The following SSX7 variants were observed in gnomAD, a reference collection of about 807,000 sequenced individuals.
SSX7 encodes SSX family member 7.
Under a neutral mutation model 14.7 loss-of-function variants are expected in SSX7, and 15 were observed. The ratio of observed to expected loss-of-function variants is 1.02; its 90% CI spans 0.68 to 1.58. SSX7 has a LOEUF of 1.58. SSX7 is among the 40% of genes most tolerant of loss of function. The pLI, the probability that SSX7 is intolerant of heterozygous loss-of-function variation, is 0.00. For missense variants in SSX7, 178 were observed against 146.8 expected (o/e 1.21, Z -1.10); for synonymous variants, 46 against 50.6 (o/e 0.91, Z 0.38).
At chrX:52,644,998 G>A (rs1436372221) in intron 7 of SSX7, among the ~76,000 whole-genome samples, 1 of 111,063 alleles carries the variant, frequency 9.0e-6, no homozygotes, top group African/African-American at 3.3e-5. Flanking sequence ...GGCCAGGCGC[G>A]GTGGTTCACG....
chrX:52,647,411 A>G (rs1435464658), intron 6 of SSX7, among the ~76,000 whole-genome samples: 1 of 112,697 alleles, frequency 8.9e-6, no homozygotes, highest in Non-Finnish European at 1.9e-5. Flanking sequence ...TTTCATAGCT[A>G]GAGAGAATTG....
intron 4 of SSX7, among the ~76,000 whole-genome samples, chrX:52,651,147 C>G (rs192587293): frequency 1.8e-5 from 2 of 112,131 alleles, no homozygotes; most frequent in African/African-American, 6.5e-5. Flanking sequence ...AAAGCTCTCT[C>G]TGTGTGTTGG....
At chrX:52,650,523 A>G in intron 4 of SSX7, 121 bp from the exon 5 acceptor site, 1 of 831,808 alleles carries the variant, frequency 1.2e-6, no homozygotes, top group Non-Finnish European at 1.7e-6. Flanking sequence ...TTGAGGAGTT[A>G]TTTCAGTTTT....
At chrX:52,652,166 A>C (rs1925454327) in intron 4 of SSX7, 86 bp downstream of exon 4, 1 of 841,641 alleles carries the variant, frequency 1.2e-6, no homozygotes, top group Non-Finnish European at 1.8e-6. Flanking sequence ...TGAGGGAACA[A>C]ATGCCTGAGG....
chrX:52,648,841 T>C (rs1556766671), intron 5 of SSX7, among the ~76,000 whole-genome samples: 1 of 110,110 alleles, frequency 9.1e-6, no homozygotes, highest in African/African-American at 3.3e-5. Context: ...TGTGGGGAGA[T>C]TAATACAGGG....
intron 2 of SSX7, 158 bp from the exon 3 acceptor site, chrX:52,653,142 C>G: frequency 1.3e-6 from 1 of 754,137 alleles, no homozygotes; most frequent in African/African-American, 2.3e-5. Context: ...CCCTGCCACA[C>G]AGTAGGGCTT....
intron 1 of SSX7, among the ~76,000 whole-genome samples, chrX:52,654,139 C>T (rs184295414): frequency 1.0e-4 from 11 of 110,539 alleles, no homozygotes; most frequent in Non-Finnish European, 1.7e-4. Flanking sequence ...CAGTGGCTCA[C>T]GCCTGTAATC....
intron 1 of SSX7, among the ~76,000 whole-genome samples, chrX:52,654,181 C>T (rs1244983613): frequency 9.2e-6 from 1 of 109,116 alleles, no homozygotes; most frequent in Non-Finnish European, 1.9e-5. Flanking sequence ...GAGGGCGGAT[C>T]GCTTGAGCCC....
intron 1 of SSX7, 52 bp downstream of exon 1, chrX:52,654,710 A>G (rs1385250539): frequency 9.0e-6 from 1 of 111,194 alleles, no homozygotes; most frequent in Non-Finnish European, 1.9e-5. Context: ...AAATCAGCGC[A>G]TGCTTACTCT....
intron 7 of SSX7, among the ~76,000 whole-genome samples, chrX:52,645,111 T>C (rs1401310326): frequency 6.4e-5 from 7 of 109,894 alleles, no homozygotes; most frequent in Non-Finnish European, 9.5e-5. Flanking sequence ...CTACCAAAAA[T>C]ACAAAAAAAA....
intron 1 of SSX7, among the ~76,000 whole-genome samples, chrX:52,654,179 A>G (rs1556767452): frequency 9.2e-6 from 1 of 109,030 alleles, no homozygotes; most frequent in African/African-American, 3.3e-5. Flanking sequence ...AGGAGGGCGG[A>G]TCGCTTGAGC....
At chrX:52,650,105 T>C (rs1177023006) in intron 5 of SSX7, among the ~76,000 whole-genome samples, 1 of 111,383 alleles carries the variant, frequency 9.0e-6, no homozygotes, top group Admixed American at 9.6e-5. Context: ...CAGGTCTTCT[T>C]AAGGATTAAA....
intron 4 of SSX7, 102 bp downstream of exon 4, chrX:52,652,150 T>G: frequency 1.5e-6 from 1 of 687,082 alleles, no homozygotes; most frequent in Non-Finnish European, 2.3e-6. Flanking sequence ...TCAGCCCTGA[T>G]GTGTATGAGG....
At chrX:52,647,916 A>C (rs1191667211) in intron 6 of SSX7, among the ~76,000 whole-genome samples, 2 of 112,109 alleles carry the variant, frequency 1.8e-5, no homozygotes, top group African/African-American at 3.2e-5. Context: ...CAGGTTATCA[A>C]AGATAGAATC....
intron 7 of SSX7, among the ~76,000 whole-genome samples, chrX:52,645,079 C>T (rs1285393050): frequency 5.6e-4 from 62 of 110,894 alleles, no homozygotes; most frequent in Non-Finnish European, 1.0e-3. Context: ...ACCATCCTGG[C>T]TAACACGGTG....
intron 4 of SSX7, 136 bp downstream of exon 4, chrX:52,652,116 G>A (rs1188524747): frequency 4.1e-6 from 2 of 487,291 alleles, no homozygotes; most frequent in African/African-American, 5.0e-5. Context: ...TTAACTTTCT[G>A]CATGCAATTT....
intron 6 of SSX7, among the ~76,000 whole-genome samples, chrX:52,647,982 C>T (rs1474228005): frequency 2.7e-5 from 3 of 112,073 alleles, no homozygotes; most frequent in African/African-American, 6.5e-5. Context: ...TGTCTCCAAA[C>T]AATTTATGAA....
chrX:52,648,276 T>C lies in SSX7; in HGVS notation c.451A>G (p.Ile151Val), dbSNP rs782767975. Residue 151 changes from isoleucine (I) to valine (V), a missense_variant, in exon 6 of 8, where the codon ATT becomes GTT. Transcript: ENST00000298181. ...PPGKPSTSEK[I>V]NKTSGPKRGK... ...TTCCTCTTACCGGATGTCTTGTTAA[T>C]CTTCTCAGAGGTACTTGGTTTTCCT... 5.8e-6 allele frequency: 7 copies of C among 1,206,822 alleles called. No homozygotes were observed. In the African/African-American group the frequency reaches 1.2e-4, roughly 21 times the overall value.
rs1925504219 is a variant in SSX7 at position 52,653,398 on chromosome X, C to A, written c.69+6G>T. ...CCACTACTCTGCTCCCTCCAGGTCACCTCACCTTTTGGATCTTCTCTGGTA... is the reference window on the plus strand; with the variant it reads ...CCACTACTCTGCTCCCTCCAGGTCAACTCACCTTTTGGATCTTCTCTGGTA... On this transcript the variant is annotated splice_donor_region_variant and intron_variant, in intron 2 of 7. Transcript: ENST00000298181. 2.2e-5 allele frequency: 27 copies of A among 1,211,506 alleles called. No individual in the cohort carries two copies. The highest frequency in any genetic ancestry group is 2.8e-5 in the Non-Finnish European group (25 of 895,382).
Sources: gnomAD v4.1 joint callset for allele counts (sites outside exome capture counted in the v4.1 genomes callset) on GRCh38, gnomAD v4.1.1 for gene constraint, MANE v1.5 for transcripts, NCBI Gene and HGNC (gene_info 2026-07-23, HGNC 2026-07-21) for gene names.